The following CC2D2B variants were observed in gnomAD, a reference collection of about 807,000 sequenced individuals.
CC2D2B encodes the protein coiled-coil and C2 domain containing 2B.
In CC2D2B, 128 loss-of-function variants were observed where a neutral mutation model predicts 161.2. The observed-to-expected ratio is 0.79, with a 90% confidence interval of 0.69 to 0.92. The LOEUF is 0.92. Among genes scored for constraint, CC2D2B ranks in the 40% least tolerant of loss-of-function variants. The pLI is 0.00. For synonymous variants in CC2D2B, 391 were observed against 449.8 expected, an observed-to-expected ratio of 0.87 and a Z score of 1.65; for missense variants, 1,173 against 1,375.1, an observed-to-expected ratio of 0.85 and a Z score of 2.32.
intron 6 of CC2D2B, among the ~76,000 whole-genome samples, chr10:95,935,553 G>C (rs766391468): frequency 2.0e-5 from 3 of 151,558 alleles, no homozygotes; most frequent in Non-Finnish European, 4.4e-5. Context: ...GTCCTTACAG[G>C]GGGGACCTGG....
intron 23 of CC2D2B, 91 bp downstream of exon 23, chr10:95,995,456 T>C (rs1259503180): frequency 1.5e-6 from 1 of 652,490 alleles, no homozygotes; most frequent in Admixed American, 3.6e-5. Context: ...ATCTATATTT[T>C]CTTTGGCTTC....
At chr10:95,975,474 G>A (rs777594489) in intron 17 of CC2D2B, among the ~76,000 whole-genome samples, 15 of 152,038 alleles carry the variant, frequency 9.9e-5, no homozygotes, top group Non-Finnish European at 1.8e-4. Context: ...AATAACAGAA[G>A]ACAAAAGAAT....
At chr10:95,999,223 T>C (rs1430045553) in intron 24 of CC2D2B, among the ~76,000 whole-genome samples, 1 of 152,252 alleles carries the variant, frequency 6.6e-6, no homozygotes, top group East Asian at 1.9e-4. Flanking sequence ...TCATACAGTA[T>C]GGAGCCATTT....
chr10:95,937,946 T>G, intron 6 of CC2D2B, 45 bp from the exon 7 acceptor site: 1 of 1,139,202 alleles, frequency 8.8e-7, no homozygotes, highest in South Asian at 1.4e-5. Flanking sequence ...TATTAATCAT[T>G]GGAGACAAGC....
Position 95,927,249 on chromosome 10 carries a change from A to T in CC2D2B, c.253A>T (p.Thr85Ser). Residue 85 changes from threonine (T) to serine (S), a missense_variant, in exon 6 of 35, where the codon ACT (threonine) becomes TCT (serine). Around this residue, in one of 3 missense-constraint regions of CC2D2B, gnomAD observed 298 missense variants for 261.2 expected, o/e 1.14. Coordinates refer to ENST00000646931, the MANE Select transcript of CC2D2B (RefSeq NM_001349008.3). ...TGGTTTATCATAGTTGTCTCCACAGACTGAAGTCTCATTGGATGAAAGTCT... is the reference window on the plus strand; with the variant it reads ...TGGTTTATCATAGTTGTCTCCACAGTCTGAAGTCTCATTGGATGAAAGTCT... ...IHQRSKLSPQ[T>S]EVSLDESLSF... 1 of 1,544,898 alleles carries T rather than the reference A, an allele frequency of 6.5e-7. No individual in the cohort carries two copies. Among genetic ancestry groups the T allele is most frequent in the Non-Finnish European group, 8.8e-7 (1 of 1,140,654 alleles).
chr10:95,908,728 C>T (rs1333469161), intron 1 of CC2D2B, among the ~76,000 whole-genome samples: 1 of 141,950 alleles, frequency 7.0e-6, no homozygotes, highest in Non-Finnish European at 1.6e-5. Context: ...CTAATTGAGG[C>T]TATAAGTATA....
intron 15 of CC2D2B, among the ~76,000 whole-genome samples, chr10:95,971,853 T>G (rs553910665): frequency 3.3e-5 from 5 of 152,314 alleles, no homozygotes; most frequent in Non-Finnish European, 7.4e-5. Context: ...ATCCCTTGTA[T>G]TCAATTCATT....
At chr10:95,947,082 A>AT (rs2076223662) in intron 9 of CC2D2B, among the ~76,000 whole-genome samples, 1 of 39,484 alleles carries the variant, frequency 2.5e-5, no homozygotes, top group Admixed American at 3.0e-4. Flanking sequence ...TGGACTCAAA[A>AT]ATATATATAT....
chr10:95,977,230 C>G (rs906847491), intron 17 of CC2D2B, among the ~76,000 whole-genome samples: 9 of 152,152 alleles, frequency 5.9e-5, no homozygotes, highest in African/African-American at 2.2e-4. Context: ...CAAAAATTAG[C>G]TGGACATGGT....
intron 11 of CC2D2B, among the ~76,000 whole-genome samples, chr10:95,959,873 G>A (rs2076702649): frequency 6.6e-6 from 1 of 151,992 alleles, no homozygotes; most frequent in African/African-American, 2.4e-5. Context: ...ATGATTATTA[G>A]CCTATTAGGC....
intron 19 of CC2D2B, chr10:95,984,780 A>C (rs2077654543): frequency 6.6e-6 from 1 of 151,998 alleles, no homozygotes; most frequent in African/African-American, 2.4e-5. Context: ...TTGGAGGCTG[A>C]GGTGGGAGGA....
intron 24 of CC2D2B, among the ~76,000 whole-genome samples, chr10:96,003,703 G>C (rs542384112): frequency 6.6e-6 from 1 of 151,024 alleles, no homozygotes; most frequent in South Asian, 2.1e-4. Flanking sequence ...TGATCCACCC[G>C]CCTCGGCCTC....
In CC2D2B at chr10:95,909,195, C is replaced by T. The variant is rs190134048; in HGVS notation, c.-24+1138C>T. Reference sequence around the variant, plus strand: ...TAATTTTTAAACTTGCCAGTTAATGCAATACATGGAAGTCATAATGTTTTT... The same window carrying T: ...TAATTTTTAAACTTGCCAGTTAATGTAATACATGGAAGTCATAATGTTTTT... On this transcript the variant is annotated intron_variant, in intron 1 of 34. Coordinates refer to ENST00000646931, the MANE Select transcript of CC2D2B (RefSeq NM_001349008.3). Among the ~76,000 whole-genome samples the T allele has an allele frequency of 1.1e-4, 17 of 152,302 alleles. No homozygotes were observed. In the East Asian group the frequency reaches 3.3e-3, roughly 29 times the overall value.
chr10:95,924,222 C>A (rs2098533952), intron 3 of CC2D2B, 92 bp from the exon 4 acceptor site: 1 of 608,982 alleles, frequency 1.6e-6, no homozygotes, highest in South Asian at 2.5e-5. Flanking sequence ...GAAATGCATG[C>A]AATTAAAGAA....
rs1175038678 is a variant in CC2D2B at position 96,025,154 on chromosome 10, A to AAT, written c.3947+273_3947+274dup. Among the ~76,000 whole-genome samples the AAT allele has an allele frequency of 3.6e-3, 73 of 20,068 alleles. 1 individual carries two copies. The highest frequency in any genetic ancestry group is 7.5e-3 in the African/African-American group (31 of 4,142). 13.2% of individuals were successfully genotyped at this position (20,068 alleles called of 152,430 possible). A position where few individuals can be genotyped will look rare whatever the true frequency, so the allele number is the denominator to read the frequency against. Reference sequence around the variant, plus strand: ...GGAGACGTCATCTCTACTAAAAAAAAATATATATATATATATATATATATA... The same window carrying AAT: ...GGAGACGTCATCTCTACTAAAAAAAAATATATATATATATATATATATATATA... On this transcript the variant is annotated intron_variant, in intron 33 of 34. Coordinates refer to ENST00000646931, the MANE Select transcript of CC2D2B (RefSeq NM_001349008.3).
At chr10:96,000,010 T>C in intron 24 of CC2D2B, 1 of 1,240,526 alleles carries the variant, frequency 8.1e-7, no homozygotes. Context: ...AATCTTGCCC[T>C]TCTTTGTTTA....
chr10:96,017,569 C>A (rs902006789), intron 30 of CC2D2B, among the ~76,000 whole-genome samples: 1 of 152,018 alleles, frequency 6.6e-6, no homozygotes, highest in African/African-American at 2.4e-5. Context: ...GCTGTGAAGT[C>A]GAGGAGAGCA....
Position 95,938,921 on chromosome 10 carries a change from G to T in CC2D2B, c.797G>T (p.Arg266Met). 1.5e-6 allele frequency: 1 copy of T among 676,368 alleles called. No homozygotes were observed. The highest frequency in any genetic ancestry group is 1.7e-5 in the South Asian group (1 of 58,820). The allele number at this position is 676,368 out of a possible 1,614,324, so 41.9% of individuals were successfully genotyped here. A position where few individuals can be genotyped will look rare whatever the true frequency, so the allele number is the denominator to read the frequency against. Residue 266 changes from arginine to methionine, a missense_variant, in exon 9 of 35, where the codon AGG (arginine) becomes ATG (methionine). Coordinates refer to ENST00000646931, the MANE Select transcript of CC2D2B (RefSeq NM_001349008.3). ...PLNPLLKTIY[R>M]KAVKYDLGSS... is the part of the protein sequence containing the mutation. Reference sequence around the variant, plus strand: ...AATCCATTACTTAAGACCATATACAGGAAGGTAACCAACAACAATTTATTT... The same window carrying T: ...AATCCATTACTTAAGACCATATACATGAAGGTAACCAACAACAATTTATTT...
Position 96,031,874 on chromosome 10 carries a change from G to T in CC2D2B, c.4180G>T (p.Ala1394Ser), listed in dbSNP as rs146800462. Residue 1394 changes from alanine to serine, a missense_variant, in exon 35 of 35, where the codon GCT becomes TCT. Transcript: ENST00000646931. ...CATTGATGTACAGTCAATTATTGATGCTGTTTATCAAACTGGAATTCACTC... is the reference window on the plus strand; with the variant it reads ...CATTGATGTACAGTCAATTATTGATTCTGTTTATCAAACTGGAATTCACTC... ...PYIDVQSIID[A>S]VYQTGIHSAE... The T allele has an allele frequency of 1.9e-6, 3 of 1,613,728 alleles. No homozygotes were observed. Among genetic ancestry groups the T allele is most frequent in the Middle Eastern group, 1.7e-4 (1 of 6,058 alleles).
Sources: allele counts gnomAD v4.1 joint callset (sites outside exome capture counted in the v4.1 genomes callset), GRCh38; gene constraint gnomAD v4.1.1; regional missense constraint gnomAD v4.1.1; transcripts MANE v1.5; gene names NCBI Gene and HGNC (gene_info 2026-07-23, HGNC 2026-07-21).